Variants in MYO16 observed in about 807,000 individuals in gnomAD.
MYO16 encodes unconventional myosin-XVI.
In MYO16, 94 loss-of-function variants were observed where a neutral mutation model predicts 205.3. The observed-to-expected ratio is 0.46, with a 90% CI of 0.39 to 0.54. The LOEUF (loss-of-function observed/expected upper bound fraction) is 0.54. Ranked by LOEUF, MYO16 falls within the 20% of genes least tolerant of loss-of-function variation. The pLI is 0.00. For missense variants in MYO16, 2,315 were observed against 2,387.5 expected (o/e 0.97, Z 0.63); for synonymous variants, 988 against 954.0 (o/e 1.04, Z -0.66).
At chr13:108,873,963 C>CA (rs1175947606) in intron 12 of MYO16, among the ~76,000 whole-genome samples, 1 of 152,170 alleles carries the variant, frequency 6.6e-6, no homozygotes, top group Admixed American at 6.5e-5. Flanking sequence ...AAATCAGAAA[C>CA]AAAAATGCAT....
Position 109,125,153 on chromosome 13 carries a change from A to G in MYO16, c.3577A>G (p.Ile1193Val). 6.2e-7 allele frequency: 1 copy of G among 1,614,158 alleles called. No homozygotes were observed. Among genetic ancestry groups the G allele is most frequent in the South Asian group, 1.1e-5 (1 of 91,084 alleles). ...AGCACGCCAGCACCTGCTTCAGAGA[A>G]TAAGCATCAGACAACAAGAGGTGAC... is the stretch of plus-strand genomic sequence containing the variant. ...FLARQHLLQR[I>V]SIRQQEVTSI... The change falls in exon 30 of 35, where the codon ATA (isoleucine) becomes GTA (valine). Residue 1193 changes from isoleucine to valine, a missense_variant. Ile to Val is a conservative substitution (Grantham distance 29). Around this residue, in one of 3 missense-constraint regions of MYO16, gnomAD observed 1,097 missense variants for 1,092.0 expected, o/e 1.00. Transcript: ENST00000457511. This position sits in a 1 kb window ranked among gnomAD's most constrained non-coding sequence, Gnocchi z 4.0.
At chr13:108,826,195 T>G (rs915132596) in intron 9 of MYO16, among the ~76,000 whole-genome samples, 2 of 152,078 alleles carry the variant, frequency 1.3e-5, no homozygotes, top group African/African-American at 4.8e-5. Context: ...CTATAGTAAC[T>G]AAGACATTGT....
At chr13:108,687,323 C>T (rs1342943464) in intron 2 of MYO16, among the ~76,000 whole-genome samples, 1 of 152,140 alleles carries the variant, frequency 6.6e-6, no homozygotes, top group Non-Finnish European at 1.5e-5. Flanking sequence ...TGGTTCTGGC[C>T]TTGTGATTTT....
chr13:108,979,922 A>T (rs553225090), intron 20 of MYO16, among the ~76,000 whole-genome samples: 43 of 152,270 alleles, frequency 2.8e-4, no homozygotes, highest in African/African-American at 9.9e-4. Context: ...CATTATTTTT[A>T]AAAAAGTATG....
intron 23 of MYO16, among the ~76,000 whole-genome samples, chr13:109,023,312 A>T (rs1169457555): frequency 2.7e-5 from 2 of 74,898 alleles, no homozygotes; most frequent in Admixed American, 2.2e-4. Flanking sequence ...AAATATATAT[A>T]TTTATATATT....
At chr13:108,679,425 G>A (rs1315045953) in intron 2 of MYO16, among the ~76,000 whole-genome samples, 2 of 152,194 alleles carry the variant, frequency 1.3e-5, no homozygotes, top group South Asian at 2.1e-4. Context: ...TCTTTGCTTA[G>A]TTTATACTGT....
At chr13:108,863,468 A>C (rs1878552701) in intron 11 of MYO16, among the ~76,000 whole-genome samples, 1 of 152,104 alleles carries the variant, frequency 6.6e-6, no homozygotes, top group Admixed American at 6.5e-5. Context: ...TGTCTTTTTA[A>C]GTTTTTTAAA....
chr13:108,679,316 T>A (rs1882360634), intron 2 of MYO16, among the ~76,000 whole-genome samples: 1 of 152,158 alleles, frequency 6.6e-6, no homozygotes, highest in Admixed American at 6.5e-5. Context: ...TTCCTTCTTT[T>A]TCATTGCACT....
intron 9 of MYO16, among the ~76,000 whole-genome samples, chr13:108,829,647 G>A (rs1347445888): frequency 6.6e-6 from 1 of 152,130 alleles, no homozygotes; most frequent in African/African-American, 2.4e-5. Flanking sequence ...ACTATGAGGA[G>A]GGGACCTAAG....
At chr13:108,530,218 A>T in the MYO16 span, among the ~76,000 whole-genome samples, 1 of 152,334 alleles carries the variant, frequency 6.6e-6, no homozygotes, top group African/African-American at 2.4e-5. Context: ...GGAGGGTGAG[A>T]GTCCACTCTA....
intron 33 of MYO16, among the ~76,000 whole-genome samples, chr13:109,177,929 T>C (rs766445702): frequency 3.9e-4 from 60 of 152,222 alleles, no homozygotes; most frequent in African/African-American, 7.2e-4. Flanking sequence ...ATGGTTCCTA[T>C]AGAAGTGAAG....
chr13:108,859,483 G>A lies in MYO16; in HGVS notation c.1359+3930G>A, dbSNP rs191779612. ...TTTTCATCTCTTTTTGCTACAGTCC[G>A]ATTTTTTTTATAGTATGATCTTTCA... On this transcript the variant is annotated intron_variant, in intron 11 of 34. Coordinates refer to ENST00000457511, the MANE Select transcript of MYO16 (RefSeq NM_001198950.3). Among the ~76,000 whole-genome samples, 38 of 152,192 alleles carry A rather than the reference G, an allele frequency of 2.5e-4. No homozygotes were observed. In the South Asian group the frequency reaches 3.5e-3, roughly 14 times the overall value.
At chr13:108,786,692 A>T (rs534255577) in intron 5 of MYO16, among the ~76,000 whole-genome samples, 1 of 152,344 alleles carries the variant, frequency 6.6e-6, no homozygotes, top group Non-Finnish European at 1.5e-5. Context: ...GTTCGCAGAT[A>T]AAATAGTCTT....
intron 3 of MYO16, among the ~76,000 whole-genome samples, chr13:108,721,643 G>T (rs940190908): frequency 6.6e-6 from 1 of 152,214 alleles, no homozygotes; most frequent in Non-Finnish European, 1.5e-5. Context: ...AGTACATAAG[G>T]ATTGGGTAAA....
intron 25 of MYO16, among the ~76,000 whole-genome samples, chr13:109,053,391 A>C (rs1887312766): frequency 6.6e-6 from 1 of 152,120 alleles, no homozygotes; most frequent in Middle Eastern, 3.4e-3. Context: ...TTTAGAACTA[A>C]ATGATCATGA....
chr13:109,187,489 T>C (rs958013765), intron 34 of MYO16, among the ~76,000 whole-genome samples: 3 of 152,218 alleles, frequency 2.0e-5, no homozygotes, highest in African/African-American at 7.2e-5. Flanking sequence ...CTTTTCTTCC[T>C]AATAAAAGCA....
rs914055922 is a variant in MYO16, at chr13:109,157,263, A to C, written c.5165-7638A>C. Reference sequence around the variant, plus strand: ...TTTACAAAAAAAAAAAAAAAAAAAAAAAAAAACCTTATTCTTCACAGCATG... The same window carrying C: ...TTTACAAAAAAAAAAAAAAAAAAAACAAAAAACCTTATTCTTCACAGCATG... On this transcript the variant is annotated intron_variant, in intron 32 of 34. Coordinates refer to ENST00000457511, the MANE Select transcript of MYO16 (RefSeq NM_001198950.3). Among the ~76,000 whole-genome samples the C allele has an allele frequency of 8.6e-3, 713 of 83,112 alleles. 6 individuals are homozygous for C. The highest frequency in any genetic ancestry group is 0.033 in the African/African-American group (687 of 21,126). 54.5% of individuals were successfully genotyped at this position (83,112 alleles called of 152,430 possible).
chr13:108,943,681 C>G (rs1473879892), intron 16 of MYO16, among the ~76,000 whole-genome samples: 1 of 152,018 alleles, frequency 6.6e-6, no homozygotes, highest in Non-Finnish European at 1.5e-5. Context: ...GAACTCCTGA[C>G]CTCAAGTGAT....
intron 20 of MYO16, among the ~76,000 whole-genome samples, chr13:108,983,460 C>T (rs1884519249): frequency 1.3e-5 from 2 of 152,160 alleles, no homozygotes; most frequent in African/African-American, 4.8e-5. Flanking sequence ...CTTGAAACAG[C>T]ACAAAGTCCA....
Sources: gnomAD v4.1 joint callset for allele counts (sites outside exome capture counted in the v4.1 genomes callset) on GRCh38, gnomAD v4.1.1 for gene constraint, gnomAD v4.1.1 regional missense constraint, Gnocchi (gnomAD v3.1) non-coding constraint, MANE v1.5 for transcripts, NCBI Gene and HGNC (gene_info 2026-07-23, HGNC 2026-07-21) for gene names.